The following GRIP1 variants were observed in gnomAD, a reference collection of about 807,000 sequenced individuals.
GRIP1 encodes glutamate receptor interacting protein 1.
In GRIP1, 45 loss-of-function variants were observed where a neutral mutation model predicts 129.9. The observed-to-expected ratio is 0.35, with a 90% CI of 0.27 to 0.44. The LOEUF (loss-of-function observed/expected upper bound fraction) is 0.44, where lower values mean the gene tolerates loss of function less well. Among genes scored for constraint, GRIP1 ranks in the 20% least tolerant of loss-of-function variants. The probability of loss-of-function intolerance (pLI) is 1.00; values close to 1 mark genes in which losing one functional copy is unlikely to be tolerated. For synonymous variants in GRIP1, 530 were observed against 520.8 expected, an observed-to-expected ratio of 1.02 and a Z score of -0.24; for missense variants, 1,196 against 1,396.8, an observed-to-expected ratio of 0.86 and a Z score of 2.29.
intron 1 of GRIP1, among the ~76,000 whole-genome samples, chr12:67,062,780 C>T (rs776306420): frequency 9.2e-5 from 14 of 152,194 alleles, no homozygotes; most frequent in Non-Finnish European, 1.6e-4. Context: ...TCTCTCTCTA[C>T]ACTAGATTCT....
intron 1 of GRIP1, among the ~76,000 whole-genome samples, chr12:66,609,454 G>T (rs1223690334): frequency 1.3e-5 from 2 of 152,042 alleles, no homozygotes; most frequent in African/African-American, 4.8e-5. Flanking sequence ...ACATTAAATG[G>T]TCTATTATGA....
chr12:66,589,442 G>T (rs1214826774), intron 2 of GRIP1, among the ~76,000 whole-genome samples: 1 of 152,042 alleles, frequency 6.6e-6, no homozygotes, highest in Admixed American at 6.5e-5. Context: ...ACTACTTACT[G>T]ACTACTGACA....
chr12:66,513,459 A>G (rs2060758204), intron 7 of GRIP1, among the ~76,000 whole-genome samples: 1 of 150,558 alleles, frequency 6.6e-6, no homozygotes, highest in Non-Finnish European at 1.5e-5. Flanking sequence ...CTCCAAGATC[A>G]TAATATAGGT....
intron 1 of GRIP1, among the ~76,000 whole-genome samples, chr12:67,032,265 G>A (rs1401413462): frequency 6.6e-6 from 1 of 152,088 alleles, no homozygotes; most frequent in Non-Finnish European, 1.5e-5. Flanking sequence ...ATTTGTATAT[G>A]TTTGTATATA....
chr12:66,456,117 T>C, intron 10 of GRIP1, 70 bp downstream of exon 10: 1 of 934,124 alleles, frequency 1.1e-6, no homozygotes, highest in Non-Finnish European at 1.5e-6. Context: ...AAGCCAAAGA[T>C]GAGAAAAGGA....
At chr12:66,905,706 T>A (rs138059654) in intron 1 of GRIP1, among the ~76,000 whole-genome samples, 205 of 152,336 alleles carry the variant, frequency 1.3e-3, no homozygotes, top group African/African-American at 4.4e-3. Context: ...ATAGCTCATA[T>A]TAATTACATG....
At chr12:66,864,253 T>G (rs1004711879) in intron 1 of GRIP1, among the ~76,000 whole-genome samples, 2 of 152,090 alleles carry the variant, frequency 1.3e-5, no homozygotes, top group Non-Finnish European at 2.9e-5. Flanking sequence ...TTTGAGTACA[T>G]GTCCTATCCA....
intron 2 of GRIP1, among the ~76,000 whole-genome samples, chr12:66,558,659 A>C (rs927465431): frequency 1.3e-5 from 2 of 152,192 alleles, no homozygotes; most frequent in African/African-American, 4.8e-5. Context: ...ACCATAACTC[A>C]TAACAAGTAA....
At chr12:67,062,042 A>G (rs1336811314) in intron 1 of GRIP1, among the ~76,000 whole-genome samples, 1 of 152,096 alleles carries the variant, frequency 6.6e-6, no homozygotes, top group African/African-American at 2.4e-5. Context: ...ACGGCCTGAA[A>G]CAGAGCAGTA....
upstream of GRIP1, among the ~76,000 whole-genome samples, chr12:66,680,747 T>C (rs1411910226): frequency 6.6e-6 from 1 of 152,154 alleles, no homozygotes; most frequent in East Asian, 1.9e-4. Flanking sequence ...AAATCTAACA[T>C]ATTTCCTAAA....
chr12:67,029,277 T>C (rs538139425), intron 1 of GRIP1, among the ~76,000 whole-genome samples: 1 of 152,178 alleles, frequency 6.6e-6, no homozygotes, highest in South Asian at 2.1e-4. Flanking sequence ...GTCATGTTGT[T>C]GTTGTTATCG....
chr12:66,582,474 T>C (rs2063430347), intron 2 of GRIP1, among the ~76,000 whole-genome samples: 1 of 149,458 alleles, frequency 6.7e-6, no homozygotes. Flanking sequence ...TTGTCTCTGT[T>C]TGCAGATGAC....
chr12:66,390,333 T>C (rs1445842014), intron 19 of GRIP1, among the ~76,000 whole-genome samples: 1 of 152,214 alleles, frequency 6.6e-6, no homozygotes, highest in Non-Finnish European at 1.5e-5. Flanking sequence ...GAGTGTTCTA[T>C]ATATATAAAG....
At chr12:67,042,129 G>A (rs1219349587) in intron 1 of GRIP1, among the ~76,000 whole-genome samples, 2 of 152,122 alleles carry the variant, frequency 1.3e-5, no homozygotes, top group African/African-American at 4.8e-5. Flanking sequence ...ATCTAGTGCA[G>A]GTCACCACGT....
chr12:66,902,417 T>C (rs1343329293), intron 1 of GRIP1, among the ~76,000 whole-genome samples: 1 of 152,130 alleles, frequency 6.6e-6, no homozygotes, highest in Non-Finnish European at 1.5e-5. Context: ...GAGGGATGGT[T>C]TCAGGCAAAG....
chr12:66,601,107 T>C (rs2064255739), intron 1 of GRIP1, among the ~76,000 whole-genome samples: 1 of 152,144 alleles, frequency 6.6e-6, no homozygotes, highest in South Asian at 2.1e-4. Context: ...AAAGCATTAG[T>C]CAAGCATACA....
chr12:66,575,660 A>G (rs1320051185), intron 2 of GRIP1, among the ~76,000 whole-genome samples: 1 of 152,220 alleles, frequency 6.6e-6, no homozygotes, highest in East Asian at 1.9e-4. Context: ...CAAGAATGGT[A>G]GCTAAAAGGT....
chr12:66,379,431 T>C lies in GRIP1; in HGVS notation c.2470A>G (p.Ser824Gly), dbSNP rs781233748. Residue 824 changes from serine (S) to glycine (G), a missense_variant, in exon 20 of 25, where the codon AGT becomes GGT. Physicochemically the swap from Ser to Gly is moderately conservative, Grantham distance 56. Coordinates refer to ENST00000359742, the MANE Select transcript of GRIP1 (RefSeq NM_001366722.1). Reference sequence around the variant, plus strand: ...AAATTGTATCCTGAGGCCTGAAAACTAGTGCCTAAAATATAAACAAGGTGT... The same window carrying C: ...AAATTGTATCCTGAGGCCTGAAAACCAGTGCCTAAAATATAAACAAGGTGT... ...IDTSYGTQGT[S>G]FQASGYNFNT... 1 of 1,614,082 alleles carries C rather than the reference T, an allele frequency of 6.2e-7. No individual in the cohort carries two copies. The highest frequency in any genetic ancestry group is 1.7e-5 in the Admixed American group (1 of 60,024).
chr12:66,562,129 G>C lies in GRIP1; in HGVS notation c.137-20179C>G. ...TCAAACAAAACAAAATAAAACAAAA[G>C]AATACGCTGTCAATCAAATTACAAC... On this transcript the variant is annotated intron_variant, in intron 2 of 24. Coordinates refer to ENST00000359742, the MANE Select transcript of GRIP1 (RefSeq NM_001366722.1). 1.3e-5 allele frequency among the ~76,000 whole-genome samples: 2 copies of C among 151,982 alleles called. 1 individual carries two copies. Among genetic ancestry groups the C allele is most frequent in the East Asian group, 3.9e-4 (2 of 5,192 alleles).
Sources: gnomAD v4.1 joint callset for allele counts (sites outside exome capture counted in the v4.1 genomes callset) on GRCh38, gnomAD v4.1.1 for gene constraint, MANE v1.5 for transcripts, NCBI Gene and HGNC (gene_info 2026-07-23, HGNC 2026-07-21) for gene names.